The following KIAA1549 variants were observed in gnomAD, a reference collection of about 807,000 sequenced individuals.
KIAA1549 encodes KIAA1549.
In KIAA1549, 70 loss-of-function variants were observed where a neutral mutation model predicts 156.4. That is an observed-to-expected ratio of 0.45 (90% CI 0.37 to 0.55). The LOEUF is 0.55. KIAA1549 is among the 20% of genes least tolerant of loss of function. The probability of loss-of-function intolerance (pLI) is 0.00; values close to 1 mark genes in which losing one functional copy is unlikely to be tolerated. For missense variants in KIAA1549, 2,428 were observed against 2,540.9 expected, an observed-to-expected ratio of 0.96 and a Z score of 0.96; for synonymous variants, 1,103 against 1,066.4, an observed-to-expected ratio of 1.03 and a Z score of -0.67.
Position 138,898,943 on chromosome 7 carries a change from T to C in KIAA1549, c.3847+12A>G, listed in dbSNP as rs1361672134. ...ACAGCACAGCACAGACGACAACACCTCAGGCACTTACGCTGGGCAATGACA... is the reference window on the plus strand; with the variant it reads ...ACAGCACAGCACAGACGACAACACCCCAGGCACTTACGCTGGGCAATGACA... On this transcript the variant is annotated intron_variant, in intron 9 of 19. Coordinates refer to ENST00000422774, the MANE Select transcript of KIAA1549 (RefSeq NM_001164665.2). 8.7e-6 allele frequency: 14 copies of C among 1,613,456 alleles called. No homozygotes were observed. The highest frequency in any genetic ancestry group is 1.2e-5 in the Non-Finnish European group (14 of 1,179,454).
At chr7:138,911,102 A>G in intron 4 of KIAA1549, 44 bp downstream of exon 4, 1 of 1,272,562 alleles carries the variant, frequency 7.9e-7, no homozygotes. Flanking sequence ...AAAAAAAATG[A>G]AATTCTTTTT....
chr7:138,840,112 A>C (rs373787134), intron 19 of KIAA1549, 21 bp downstream of exon 19: 1 of 1,540,542 alleles, frequency 6.5e-7, no homozygotes, highest in Non-Finnish European at 8.8e-7. Context: ...TTAAATGATG[A>C]CCCAAACAGG....
chr7:138,895,467 A>G (rs1270994971), intron 9 of KIAA1549, among the ~76,000 whole-genome samples: 1 of 152,206 alleles, frequency 6.6e-6, no homozygotes, highest in Non-Finnish European at 1.5e-5. Context: ...AGGAAATTCT[A>G]TACATGCTGC....
chr7:138,967,303 AG>A (rs1814057317), intron 1 of KIAA1549, among the ~76,000 whole-genome samples: 1 of 152,164 alleles, frequency 6.6e-6, no homozygotes, highest in African/African-American at 2.4e-5. Context: ...GCAGGAGCAG[AG>A]GAATTACGGA....
chr7:138,871,814 A>G (rs147139358), intron 12 of KIAA1549, among the ~76,000 whole-genome samples: 2 of 152,358 alleles, frequency 1.3e-5, no homozygotes, highest in African/African-American at 4.8e-5. Flanking sequence ...TGCCAAGGCA[A>G]TGTCGTACTA....
At chr7:138,976,704 A>G (rs934205479) in intron 1 of KIAA1549, among the ~76,000 whole-genome samples, 13 of 152,254 alleles carry the variant, frequency 8.5e-5, no homozygotes, top group Non-Finnish European at 1.5e-4. Flanking sequence ...GTCTTGGACC[A>G]CATCCCTTGC....
In KIAA1549 at chr7:138,844,450, C is replaced by T. The variant is rs992306347; in HGVS notation, c.5319G>A (p.Leu1773=). The T allele has an allele frequency of 1.3e-6, 2 of 1,542,424 alleles. No homozygotes were observed. The highest frequency in any genetic ancestry group is 1.7e-6 in the Non-Finnish European group (2 of 1,147,964). Residue 1773 remains leucine, a synonymous_variant, in exon 18 of 20, where the codon CTG becomes CTA. Coordinates refer to ENST00000422774, the MANE Select transcript of KIAA1549 (RefSeq NM_001164665.2). ...LPRPGFGPGL[L]QSTELVPPDP... The stretch of plus-strand genomic sequence containing the variant: ...CAGGGGGCACCAGCTCTGTAGACTG[C>T]AGCAAACCGGGGCCAAAACCTGGTC...
Position 138,833,493 on chromosome 7 carries a change from C to T in KIAA1549, c.*4413G>A, listed in dbSNP as rs1273663335. On this transcript the variant is annotated 3_prime_UTR_variant, in exon 20 of 20. Transcript: ENST00000422774. ...TTTAGCCCAAAGCCTTTAGCGCCTA[C>T]CTTCACCCGTGCTTTGCCTCACAGT... 2 of 232,566 alleles carry T rather than the reference C, an allele frequency of 8.6e-6. No individual in the cohort carries two copies. Among genetic ancestry groups the T allele is most frequent in the African/African-American group, 2.2e-5 (1 of 45,318 alleles). 14.4% of individuals were successfully genotyped at this position (232,566 alleles called of 1,614,324 possible). A position where few individuals can be genotyped will look rare whatever the true frequency, so the allele number is the denominator to read the frequency against.
At chr7:138,901,562 G>A (rs1811842817) in intron 8 of KIAA1549, among the ~76,000 whole-genome samples, 1 of 152,102 alleles carries the variant, frequency 6.6e-6, no homozygotes. Flanking sequence ...CTGGCCTCAA[G>A]TGATCCACCT....
chr7:138,902,369 A>G (rs1397491675), intron 8 of KIAA1549, among the ~76,000 whole-genome samples: 1 of 152,032 alleles, frequency 6.6e-6, no homozygotes, highest in Non-Finnish European at 1.5e-5. Context: ...CCACCTCCCT[A>G]CCCTGCCTGC....
intron 1 of KIAA1549, among the ~76,000 whole-genome samples, chr7:138,939,290 T>C (rs1813105057): frequency 6.6e-6 from 1 of 152,212 alleles, no homozygotes. Context: ...TTTTCCTTGG[T>C]GGCCTCAAAA....
At chr7:138,858,933 G>A (rs1810472084) in intron 16 of KIAA1549, among the ~76,000 whole-genome samples, 1 of 151,994 alleles carries the variant, frequency 6.6e-6, no homozygotes, top group Non-Finnish European at 1.5e-5. Flanking sequence ...GTGAACCCGG[G>A]AGGTGGAGCT....
At chr7:138,873,322 T>C (rs74913621) in intron 12 of KIAA1549, among the ~76,000 whole-genome samples, 1,690 of 152,264 alleles carry the variant, frequency 0.011, 20 homozygotes, top group African/African-American at 0.038. Flanking sequence ...CTTGGCCCCA[T>C]ACCTAGAAGG....
intron 12 of KIAA1549, among the ~76,000 whole-genome samples, chr7:138,873,020 A>C (rs1810982936): frequency 6.6e-6 from 1 of 152,252 alleles, no homozygotes; most frequent in Non-Finnish European, 1.5e-5. Context: ...GCACATGCAG[A>C]AAGTGCTTCT....
chr7:138,832,179 T>C lies in KIAA1549; in HGVS notation c.*5727A>G. ...TCACTCAAAATTTCACCTCTGTCCCTTTTACCTATTCCTTTTTTTTTTTTT... is the reference window on the plus strand; with the variant it reads ...TCACTCAAAATTTCACCTCTGTCCCCTTTACCTATTCCTTTTTTTTTTTTT... On this transcript the variant is annotated 3_prime_UTR_variant, in exon 20 of 20. Coordinates refer to ENST00000422774, the MANE Select transcript of KIAA1549 (RefSeq NM_001164665.2). 1 of 214,200 alleles carries C rather than the reference T, an allele frequency of 4.7e-6. No homozygotes were observed. Among genetic ancestry groups the C allele is most frequent in the East Asian group, 6.7e-5 (1 of 14,822 alleles). The allele number at this position is 214,200 out of a possible 1,614,324, so 13.3% of individuals were successfully genotyped here.
intron 1 of KIAA1549, among the ~76,000 whole-genome samples, chr7:138,935,921 T>G (rs1812997376): frequency 6.6e-6 from 1 of 152,138 alleles, no homozygotes; most frequent in South Asian, 2.1e-4. Context: ...CTGCAGTGGT[T>G]GGAGAGAATA....
intron 1 of KIAA1549, among the ~76,000 whole-genome samples, chr7:138,946,454 C>T (rs1430412005): frequency 6.6e-6 from 1 of 152,140 alleles, no homozygotes; most frequent in African/African-American, 2.4e-5. Flanking sequence ...AAAAGTCTCA[C>T]AAACTAAAGA....
At chr7:138,843,144 C>T (rs775928858) in intron 18 of KIAA1549, among the ~76,000 whole-genome samples, 6 of 152,158 alleles carry the variant, frequency 3.9e-5, no homozygotes, top group Non-Finnish European at 8.8e-5. Flanking sequence ...CTATTTTGAG[C>T]ACTTCTGTCA....
chr7:138,938,996 C>T (rs1381778329), intron 1 of KIAA1549, among the ~76,000 whole-genome samples: 3 of 151,968 alleles, frequency 2.0e-5, no homozygotes, highest in Non-Finnish European at 2.9e-5. Flanking sequence ...TGCAGTGAGC[C>T]GAGTGAGACT....
Sources: gnomAD v4.1 joint callset for allele counts (sites outside exome capture counted in the v4.1 genomes callset) on GRCh38, gnomAD v4.1.1 for gene constraint, MANE v1.5 for transcripts, NCBI Gene and HGNC (gene_info 2026-07-23, HGNC 2026-07-21) for gene names.